CDH22: variants seen among roughly 807,000 people sequenced by gnomAD.
The protein encoded by CDH22 is cadherin-22.
In CDH22, 30 loss-of-function variants were observed where a neutral mutation model predicts 58.4. That is an observed-to-expected ratio of 0.51 (90% CI 0.38 to 0.70). The LOEUF (loss-of-function observed/expected upper bound fraction) is 0.70. CDH22 is among the 30% of genes least tolerant of loss of function. The probability of loss-of-function intolerance (pLI) is 0.00; values close to 1 mark genes in which losing one functional copy is unlikely to be tolerated. For missense variants in CDH22, 1,014 were observed against 1,233.9 expected (o/e 0.82, Z 2.67); for synonymous variants, 513 against 558.2 (o/e 0.92, Z 1.14).
At chr20:46,263,564 G>T (rs1368394244) in intron 1 of CDH22, among the ~76,000 whole-genome samples, 2 of 152,146 alleles carry the variant, frequency 1.3e-5, no homozygotes, top group Non-Finnish European at 2.9e-5. Flanking sequence ...ATTTATAGGG[G>T]ACACTACCTC....
chr20:46,297,137 G>C, intron 1 of CDH22, among the ~76,000 whole-genome samples: 1 of 152,200 alleles, frequency 6.6e-6, no homozygotes, highest in Non-Finnish European at 1.5e-5. Context: ...TCAAGGGCTG[G>C]TACCCTGGGA....
chr20:46,290,342 A>G (rs1453375229), intron 1 of CDH22, among the ~76,000 whole-genome samples: 1 of 152,194 alleles, frequency 6.6e-6, no homozygotes, highest in Non-Finnish European at 1.5e-5. Flanking sequence ...GGTTGTCACA[A>G]CTGGGTGGGA....
In CDH22 at chr20:46,178,205, G is replaced by T. The variant is rs752214791; in HGVS notation, c.1664-8C>A. 10 of 1,606,332 alleles carry T rather than the reference G, an allele frequency of 6.2e-6. No individual in the cohort carries two copies. Among genetic ancestry groups the T allele is most frequent in the Admixed American group, 3.3e-5 (2 of 59,890 alleles). ...GCACTGCAGCGGTGTTGTCTGTTCC[G>T]GAAGAAGGGGGAGCGGTGTGACTTG... On this transcript the variant is annotated splice_polypyrimidine_tract_variant and splice_region_variant and intron_variant, in intron 10 of 11. Coordinates refer to ENST00000537909, the MANE Select transcript of CDH22 (RefSeq NM_021248.3).
At chr20:46,256,853 A>G (rs2086409051) in intron 1 of CDH22, among the ~76,000 whole-genome samples, 1 of 151,998 alleles carries the variant, frequency 6.6e-6, no homozygotes, top group Non-Finnish European at 1.5e-5. Context: ...ACTATTTAAA[A>G]AAATTAGCCA....
intron 8 of CDH22, among the ~76,000 whole-genome samples, chr20:46,194,615 T>G (rs370589471): frequency 2.3e-4 from 35 of 152,352 alleles, no homozygotes; most frequent in African/African-American, 8.2e-4. Context: ...AGTAGGCACC[T>G]GCGCTAGGCA....
At chr20:46,287,806 G>A (rs1485587224) in intron 1 of CDH22, among the ~76,000 whole-genome samples, 2 of 152,198 alleles carry the variant, frequency 1.3e-5, no homozygotes, top group African/African-American at 4.8e-5. Flanking sequence ...ACTGGCCCCC[G>A]CCCCTTCACC....
At chr20:46,181,752 C>CTTCCTTCCTTCTTTCTCTTTCT in intron 10 of CDH22, among the ~76,000 whole-genome samples, 2 of 26,272 alleles carry the variant, frequency 7.6e-5, no homozygotes, top group African/African-American at 2.6e-4. Context: ...TCCTTCCTTC[C>CTTCCTTCCTTCTTTCTCTTTCT]TTCTTTCTTT....
chr20:46,242,348 G>A (rs2086296677), intron 2 of CDH22, among the ~76,000 whole-genome samples: 1 of 152,194 alleles, frequency 6.6e-6, no homozygotes, highest in Non-Finnish European at 1.5e-5. Flanking sequence ...CAGGGGAAGG[G>A]AGAGACAGTG....
chr20:46,290,302 G>C (rs1568684227), intron 1 of CDH22, among the ~76,000 whole-genome samples: 2 of 152,182 alleles, frequency 1.3e-5, no homozygotes, highest in African/African-American at 4.8e-5. Flanking sequence ...GCCACCCAGG[G>C]GACATTTAGC....
rs1555800218 is a variant in CDH22 at position 46,181,752 on chromosome 20, C to CT, written c.1664-3556dup. 7.5e-3 allele frequency among the ~76,000 whole-genome samples: 198 copies of CT among 26,256 alleles called. 3 individuals carry two copies. Among genetic ancestry groups the CT allele is most frequent in the East Asian group, 0.021 (21 of 1,002 alleles). 17.2% of individuals were successfully genotyped at this position (26,256 alleles called of 152,430 possible). ...CCTTCCTTCCTTCCTTCCTTCCTTC[C>CT]TTCTTTCTTTCTTTCTTTCTTTCTT... On this transcript the variant is annotated intron_variant, in intron 10 of 11. Coordinates refer to ENST00000537909, the MANE Select transcript of CDH22 (RefSeq NM_021248.3).
Position 46,174,371 on chromosome 20 carries a change from T to TC in CDH22, c.*134dup. Reference sequence around the variant, plus strand: ...AATGGAAGAGTCCGCTCCTAGCAAGTCCCCCCTCCGTCCAGCCGCCAAGGG... The same window carrying TC: ...AATGGAAGAGTCCGCTCCTAGCAAGTCCCCCCCTCCGTCCAGCCGCCAAGGG... On this transcript the variant is annotated 3_prime_UTR_variant, in exon 12 of 12. Transcript: ENST00000537909. The surrounding 1 kb of genome is among the most constrained non-coding windows in gnomAD (Gnocchi z 4.4). The TC allele has an allele frequency of 1.6e-6, 1 of 606,422 alleles. No individual in the cohort carries two copies. Among genetic ancestry groups the TC allele is most frequent in the East Asian group, 3.3e-5 (1 of 29,928 alleles). The allele number at this position is 606,422 out of a possible 1,614,324, so 37.6% of individuals were successfully genotyped here. A position where few individuals can be genotyped will look rare whatever the true frequency, so the allele number is the denominator to read the frequency against.
chr20:46,258,051 C>T (rs532459940), intron 1 of CDH22, among the ~76,000 whole-genome samples: 11 of 152,198 alleles, frequency 7.2e-5, no homozygotes, highest in African/African-American at 2.6e-4. Context: ...ATAATGTTCC[C>T]CCAGTTTGGA....
chr20:46,290,111 G>A (rs544042679), intron 1 of CDH22, among the ~76,000 whole-genome samples: 3 of 152,310 alleles, frequency 2.0e-5, no homozygotes, highest in East Asian at 1.9e-4. Flanking sequence ...TTGAGAATGG[G>A]TCAAGAAATG....
chr20:46,216,859 C>T lies in CDH22; in HGVS notation c.805G>A (p.Asp269Asn). Residue 269 changes from aspartate to asparagine, a missense_variant, in exon 5 of 12, where the codon GAC (aspartate) becomes AAC (asparagine). Physicochemically the swap from Asp to Asn is conservative, Grantham distance 23. This residue lies in a region of CDH22 where 806 missense variants were observed against 1,038.7 expected (regional missense o/e 0.78). Coordinates refer to ENST00000537909, the MANE Select transcript of CDH22 (RefSeq NM_021248.3). This position sits in a 1 kb window ranked among gnomAD's most constrained non-coding sequence, Gnocchi z 5.3. ...GSTTVTIVVT[D>N]VNDNPPRFPQ... is the part of the protein sequence containing the mutation. ...AAACGGGGCGGGTTGTCATTGACGTCGGTGACTACGATGGTGACGGTAGTG... is the reference window on the plus strand; with the variant it reads ...AAACGGGGCGGGTTGTCATTGACGTTGGTGACTACGATGGTGACGGTAGTG... The T allele has an allele frequency of 6.2e-7, 1 of 1,604,790 alleles. No individual in the cohort carries two copies. Among genetic ancestry groups the T allele is most frequent in the South Asian group, 1.1e-5 (1 of 90,892 alleles).
chr20:46,304,651 AG>A (rs1399891045), intron 1 of CDH22, among the ~76,000 whole-genome samples: 1 of 152,214 alleles, frequency 6.6e-6, no homozygotes, highest in Non-Finnish European at 1.5e-5. Context: ...TGGGGCATGG[AG>A]GGAAATGTGG....
At chr20:46,223,680 T>C (rs2086145260) in intron 4 of CDH22, among the ~76,000 whole-genome samples, 1 of 68,874 alleles carries the variant, frequency 1.5e-5, no homozygotes, top group African/African-American at 5.4e-5. Context: ...TTTCTTTCTT[T>C]CTTTCTTTCT....
In CDH22 at chr20:46,300,348, G is replaced by A. The variant is rs1017136864; in HGVS notation, c.-400+7907C>T. Among the ~76,000 whole-genome samples, 44 of 152,098 alleles carry A rather than the reference G, an allele frequency of 2.9e-4. No homozygotes were observed. Among genetic ancestry groups the A allele is most frequent in the African/African-American group, 1.0e-3 (43 of 41,416 alleles). On this transcript the variant is annotated intron_variant, in intron 1 of 11. Coordinates refer to ENST00000537909, the MANE Select transcript of CDH22 (RefSeq NM_021248.3). The surrounding 1 kb of genome is among the most constrained non-coding windows in gnomAD (Gnocchi z 4.4). The stretch of plus-strand genomic sequence containing the variant: ...CTGGTTACCTGAGTCTGTCTGGCTT[G>A]TCACCTACCCATCATCTTGTCTACC...
At chr20:46,193,185 T>G (rs1256317134) in intron 8 of CDH22, among the ~76,000 whole-genome samples, 1 of 152,124 alleles carries the variant, frequency 6.6e-6, no homozygotes, top group Non-Finnish European at 1.5e-5. Flanking sequence ...CTACTCCATG[T>G]ATATCACAAA....
At chr20:46,229,287 T>TG (rs1392280732) in intron 3 of CDH22, among the ~76,000 whole-genome samples, 1,513 of 113,576 alleles carry the variant, frequency 0.013, 32 homozygotes, top group African/African-American at 0.069. Flanking sequence ...AGATGCAGAG[T>TG]GGCCCCCCCC....
Sources: gnomAD v4.1 joint callset for allele counts (sites outside exome capture counted in the v4.1 genomes callset) on GRCh38, gnomAD v4.1.1 for gene constraint, gnomAD v4.1.1 regional missense constraint, Gnocchi (gnomAD v3.1) non-coding constraint, MANE v1.5 for transcripts, NCBI Gene and HGNC (gene_info 2026-07-23, HGNC 2026-07-21) for gene names.